Variants in SH3KBP1 observed in about 807,000 individuals in gnomAD.
SH3KBP1 encodes SH3 domain containing kinase binding protein 1.
A neutral mutation model predicts 50.1 loss-of-function variants in SH3KBP1; 8 were observed. That is an observed-to-expected ratio of 0.16 (90% CI 0.09 to 0.29). The LOEUF is 0.29. Among genes scored for constraint, SH3KBP1 ranks in the 10% least tolerant of loss-of-function variants. The pLI, the probability that SH3KBP1 is intolerant of heterozygous loss-of-function variation, is 1.00. For synonymous variants in SH3KBP1, 227 were observed against 218.6 expected (o/e 1.04, Z -0.34); for missense variants, 377 against 535.2 (o/e 0.70, Z 2.92).
chrX:19,874,068 A>AAAAAAAAAAAAAAAAATAT (rs1491537486), intron 1 of SH3KBP1, among the ~76,000 whole-genome samples: 2 of 57,033 alleles, frequency 3.5e-5, no homozygotes, highest in African/African-American at 3.2e-4. Flanking sequence ...AAAAAAAAAA[A>AAAAAAAAAAAAAAAAATAT]ATATATATAT....
At chrX:19,604,797 G>A (rs1320304355) in intron 9 of SH3KBP1, among the ~76,000 whole-genome samples, 1 of 112,295 alleles carries the variant, frequency 8.9e-6, no homozygotes, top group Admixed American at 9.4e-5. Flanking sequence ...ATAGACCAGA[G>A]GAGATGGAAT....
At chrX:19,875,298 T>C (rs1019704151) in intron 1 of SH3KBP1, among the ~76,000 whole-genome samples, 2 of 111,256 alleles carry the variant, frequency 1.8e-5, no homozygotes, top group African/African-American at 6.6e-5. Context: ...AGGATTAAAA[T>C]AGCCCCATTA....
At chrX:19,548,518 T>TA (rs1039825098) in intron 14 of SH3KBP1, among the ~76,000 whole-genome samples, 2 of 110,954 alleles carry the variant, frequency 1.8e-5, no homozygotes, top group South Asian at 3.8e-4. Flanking sequence ...TGTATAACAA[T>TA]AAAAAAAGTC....
At chrX:19,765,689 A>C (rs1180602592) in intron 2 of SH3KBP1, among the ~76,000 whole-genome samples, 2 of 111,917 alleles carry the variant, frequency 1.8e-5, no homozygotes, top group East Asian at 2.8e-4. Context: ...ACTGAAAAAG[A>C]AGCTCTGTAC....
At chrX:19,607,805 G>A in intron 9 of SH3KBP1, 133 bp downstream of exon 9, 2 of 529,410 alleles carry the variant, frequency 3.8e-6, no homozygotes, top group Non-Finnish European at 6.6e-6. Flanking sequence ...GTATATGGCA[G>A]CCGAGGGCTC....
intron 2 of SH3KBP1, among the ~76,000 whole-genome samples, chrX:19,791,047 C>A (rs773772314): frequency 2.7e-5 from 3 of 111,276 alleles, no homozygotes; most frequent in East Asian, 5.7e-4. Flanking sequence ...TACACATCCC[C>A]CTGAGTATGC....
chrX:19,855,283 C>T (rs903769417), intron 1 of SH3KBP1, among the ~76,000 whole-genome samples: 4 of 111,920 alleles, frequency 3.6e-5, no homozygotes, highest in South Asian at 3.7e-4. Context: ...CATGCCCCGC[C>T]GGTAAGCTTT....
chrX:19,755,581 T>A (rs184590011), intron 2 of SH3KBP1, among the ~76,000 whole-genome samples: 2,903 of 110,265 alleles, frequency 0.026, 44 homozygotes, highest in Middle Eastern at 0.051. Context: ...AAGAAAAAAA[T>A]GACTCAAACA....
chrX:19,744,944 G>A (rs2064873316), intron 3 of SH3KBP1, among the ~76,000 whole-genome samples: 1 of 112,384 alleles, frequency 8.9e-6, no homozygotes, highest in African/African-American at 3.2e-5. Context: ...AACCATGGCT[G>A]GCCAAAGAGG....
chrX:19,633,417 G>A (rs1417371979), intron 7 of SH3KBP1, among the ~76,000 whole-genome samples: 1 of 111,810 alleles, frequency 8.9e-6, no homozygotes, highest in Non-Finnish European at 1.9e-5. Context: ...AGTTACCAAC[G>A]TTCTATCTCT....
chrX:19,607,743 A>G (rs1192619223), intron 9 of SH3KBP1, among the ~76,000 whole-genome samples, 195 bp downstream of exon 9: 1 of 112,147 alleles, frequency 8.9e-6, no homozygotes, highest in East Asian at 2.8e-4. Flanking sequence ...CGCAGAGTAG[A>G]GATCACTGTT....
chrX:19,775,276 G>A (rs747958608), intron 2 of SH3KBP1, among the ~76,000 whole-genome samples: 75 of 111,809 alleles, frequency 6.7e-4, no homozygotes, highest in African/African-American at 2.4e-3. Flanking sequence ...AAACACACCA[G>A]GAAAGCCGAC....
intron 1 of SH3KBP1, among the ~76,000 whole-genome samples, chrX:19,870,566 G>A (rs2069014264): frequency 1.8e-5 from 2 of 111,662 alleles, no homozygotes; most frequent in Admixed American, 9.4e-5. Flanking sequence ...GGCTGGTCTC[G>A]AACTCCTGGG....
At chrX:19,759,657 G>A (rs994176129) in intron 2 of SH3KBP1, among the ~76,000 whole-genome samples, 3 of 110,857 alleles carry the variant, frequency 2.7e-5, no homozygotes, top group Non-Finnish European at 5.7e-5. Context: ...AAATTTCCAC[G>A]CAGCAACTCC....
chrX:19,845,245 G>A (rs1009313210), intron 1 of SH3KBP1, among the ~76,000 whole-genome samples: 5 of 110,423 alleles, frequency 4.5e-5, no homozygotes, highest in Non-Finnish European at 7.6e-5. Flanking sequence ...TTGGGAGGCC[G>A]AGGTGGGCAG....
Position 19,674,038 on chromosome X carries a change from G to A in SH3KBP1, c.726+9785C>T, listed in dbSNP as rs768413146. 2.7e-5 allele frequency among the ~76,000 whole-genome samples: 3 copies of A among 112,532 alleles called. No homozygotes were observed. The South Asian group carries it at 1.1e-3, about 41-fold the overall frequency. On this transcript the variant is annotated intron_variant, in intron 6 of 17. Coordinates refer to ENST00000397821, the MANE Select transcript of SH3KBP1 (RefSeq NM_031892.3). ...TTCTTGACCTGGAGGAAAGTTAGTAGTTTCTTCCTTTCTATTCTCATTGAT... is the reference window on the plus strand; with the variant it reads ...TTCTTGACCTGGAGGAAAGTTAGTAATTTCTTCCTTTCTATTCTCATTGAT...
At chrX:19,560,324 G>A (rs1385625450) in intron 13 of SH3KBP1, among the ~76,000 whole-genome samples, 1 of 111,214 alleles carries the variant, frequency 9.0e-6, no homozygotes, top group African/African-American at 3.3e-5. Context: ...ACAAAGGAAA[G>A]AATAAGCTGC....
At chrX:19,776,446 A>G (rs1219763137) in intron 2 of SH3KBP1, among the ~76,000 whole-genome samples, 1 of 108,729 alleles carries the variant, frequency 9.2e-6, no homozygotes, top group African/African-American at 3.4e-5. Context: ...AGACAACAGA[A>G]TTAAGTCTAT....
intron 4 of SH3KBP1, 64 bp downstream of exon 4, chrX:19,706,817 G>A: frequency 5.7e-6 from 5 of 880,244 alleles, no homozygotes; most frequent in Non-Finnish European, 8.3e-6. Flanking sequence ...GTCTTCATGG[G>A]TGGGTAAGCA....
Sources: gnomAD v4.1 joint callset for allele counts (sites outside exome capture counted in the v4.1 genomes callset) on GRCh38, gnomAD v4.1.1 for gene constraint, MANE v1.5 for transcripts, NCBI Gene and HGNC (gene_info 2026-07-23, HGNC 2026-07-21) for gene names.